Variants in UBE2V2 observed in about 807,000 individuals in gnomAD.
The protein encoded by UBE2V2 is ubiquitin conjugating enzyme E2 V2.
In UBE2V2, 9 loss-of-function variants were observed where a neutral mutation model predicts 17.2. That is an observed-to-expected ratio of 0.52 (90% CI 0.32 to 0.91). The LOEUF is 0.91. UBE2V2 is among the 40% of genes least tolerant of loss of function. UBE2V2 has a pLI of 0.04. For missense variants in UBE2V2, 133 were observed against 182.6 expected, an observed-to-expected ratio of 0.73 and a Z score of 1.56; for synonymous variants, 61 against 57.5, an observed-to-expected ratio of 1.06 and a Z score of -0.28.
At chr8:48,009,267 CT>C (rs143794770) in intron 1 of UBE2V2, among the ~76,000 whole-genome samples, 1,388 of 133,750 alleles carry the variant, frequency 0.01, 9 homozygotes, top group African/African-American at 0.014. Context: ...CTTTTCTTTT[CT>C]TTTTTTTTTT....
chr8:48,008,280 G>A, upstream of UBE2V2: 1 of 718,058 alleles, frequency 1.4e-6, no homozygotes, highest in Non-Finnish European at 2.0e-6. Flanking sequence ...GGGAATTGCG[G>A]AAACAGCAGC....
At chr8:48,036,326 G>A (rs879535523) in intron 1 of UBE2V2, among the ~76,000 whole-genome samples, 17 of 151,880 alleles carry the variant, frequency 1.1e-4, no homozygotes, top group Non-Finnish European at 2.2e-4. Context: ...ATGAAATGAA[G>A]GAATATTAAA....
Position 48,061,287 on chromosome 8 carries a change from A to G in UBE2V2, c.*459A>G, listed in dbSNP as rs1195185832. 2.0e-5 allele frequency: 3 copies of G among 152,564 alleles called. No homozygotes were observed. Among genetic ancestry groups the G allele is most frequent in the Non-Finnish European group, 4.4e-5 (3 of 68,060 alleles). The allele number at this position is 152,564 out of a possible 1,614,324, so 9.5% of individuals were successfully genotyped here. A position where few individuals can be genotyped will look rare whatever the true frequency, so the allele number is the denominator to read the frequency against. On this transcript the variant is annotated 3_prime_UTR_variant, in exon 4 of 4. Transcript: ENST00000523111. ...CACAGATGTGTTAATTTTTGAAGCA[A>G]TGTGGGTGCTGACTACTAGTAGTAT...
chr8:48,012,835 TC>T (rs1165141038), intron 1 of UBE2V2, among the ~76,000 whole-genome samples: 7 of 152,140 alleles, frequency 4.6e-5, no homozygotes, highest in Admixed American at 2.6e-4. Flanking sequence ...CATTCAGTTT[TC>T]CCTGTCAATT....
At chr8:48,002,097 A>C in the UBE2V2 span, among the ~76,000 whole-genome samples, 1 of 152,216 alleles carries the variant, frequency 6.6e-6, no homozygotes, top group African/African-American at 2.4e-5. Flanking sequence ...CAGAAAAAAA[A>C]AAAGGGCAAC....
At chr8:48,002,914 A>C in the UBE2V2 span, among the ~76,000 whole-genome samples, 1 of 152,094 alleles carries the variant, frequency 6.6e-6, no homozygotes, top group African/African-American at 2.4e-5. Flanking sequence ...TGTCGTTAAA[A>C]AAGAAAGAGA....
At chr8:48,044,612 C>A (rs967089278) in intron 2 of UBE2V2, among the ~76,000 whole-genome samples, 1 of 151,978 alleles carries the variant, frequency 6.6e-6, no homozygotes, top group African/African-American at 2.4e-5. Context: ...TCTATTTTTT[C>A]CTGAAGACAT....
At chr8:48,019,320 C>T (rs1357261504) in intron 1 of UBE2V2, among the ~76,000 whole-genome samples, 5 of 151,930 alleles carry the variant, frequency 3.3e-5, no homozygotes, top group Non-Finnish European at 5.9e-5. Context: ...GCCGAGATCA[C>T]GGCACTGCAC....
intron 3 of UBE2V2, among the ~76,000 whole-genome samples, chr8:48,054,981 T>C (rs1000381491): frequency 1.3e-5 from 2 of 152,050 alleles, no homozygotes; most frequent in Non-Finnish European, 2.9e-5. Flanking sequence ...CAATCACTTA[T>C]GTTTATTTAA....
chr8:48,054,841 C>G (rs1034944563), intron 3 of UBE2V2, among the ~76,000 whole-genome samples: 3 of 152,120 alleles, frequency 2.0e-5, no homozygotes, highest in Non-Finnish European at 4.4e-5. Context: ...TGATAAGATG[C>G]AGATTTTATT....
At chr8:48,032,791 T>TATTATTGAC (rs1014986691) in intron 1 of UBE2V2, among the ~76,000 whole-genome samples, 10 of 152,128 alleles carry the variant, frequency 6.6e-5, no homozygotes, top group Admixed American at 3.3e-4. Flanking sequence ...AATAATTGTG[T>TATTATTGAC]ATTATTGACA....
intron 2 of UBE2V2, among the ~76,000 whole-genome samples, chr8:48,045,766 C>T (rs542499431): frequency 9.1e-4 from 139 of 152,302 alleles, no homozygotes; most frequent in African/African-American, 3.1e-3. Context: ...ATCTTCTCTG[C>T]ATCACCTTCT....
chr8:48,063,774 A>G lies in UBE2V2; in HGVS notation c.*2946A>G, dbSNP rs929641832. ...AAATTTATAGCTTTATGTTATTAAA[A>G]TAATTTATCACACAGAGTGATTTGA... On this transcript the variant is annotated 3_prime_UTR_variant, in exon 4 of 4. Transcript: ENST00000523111. 2 of 152,228 alleles carry G rather than the reference A, an allele frequency of 1.3e-5. No homozygotes were observed. The highest frequency in any genetic ancestry group is 4.8e-5 in the African/African-American group (2 of 41,458). 9.4% of individuals were successfully genotyped at this position (152,228 alleles called of 1,614,324 possible). A position where few individuals can be genotyped will look rare whatever the true frequency, so the allele number is the denominator to read the frequency against.
At chr8:48,014,075 G>A (rs1328503241) in intron 1 of UBE2V2, among the ~76,000 whole-genome samples, 1 of 152,168 alleles carries the variant, frequency 6.6e-6, no homozygotes, top group Non-Finnish European at 1.5e-5. Flanking sequence ...TAGAAGAGCT[G>A]AACTATGGTA....
At chr8:48,041,372 T>A (rs1466538921) in intron 1 of UBE2V2, among the ~76,000 whole-genome samples, 3 of 151,908 alleles carry the variant, frequency 2.0e-5, no homozygotes, top group Admixed American at 1.3e-4. Flanking sequence ...ATCCCAGCTA[T>A]TTGAGAGGCT....
At chr8:48,010,413 T>C (rs2091220147) in intron 1 of UBE2V2, among the ~76,000 whole-genome samples, 2 of 150,048 alleles carry the variant, frequency 1.3e-5, no homozygotes, top group Admixed American at 1.3e-4. Context: ...TTTTTTTTTT[T>C]TTTTTTGAGA....
intron 1 of UBE2V2, chr8:48,034,914 C>G: frequency 5.8e-6 from 3 of 517,212 alleles, no homozygotes; most frequent in Non-Finnish European, 7.4e-6. Context: ...GCTTGTTGCC[C>G]GGGACGCCTT....
chr8:48,063,919 A>G lies in UBE2V2; in HGVS notation c.*3091A>G, dbSNP rs1217196399. The G allele has an allele frequency of 6.6e-6, 1 of 152,220 alleles. No homozygotes were observed. The highest frequency in any genetic ancestry group is 1.5e-5 in the Non-Finnish European group (1 of 68,038). The allele number at this position is 152,220 out of a possible 1,614,324, so 9.4% of individuals were successfully genotyped here. ...TATAATATTGATAAATACATGTGAA[A>G]TTAATATTGTTTGGAAAATGTAGAG... On this transcript the variant is annotated 3_prime_UTR_variant, in exon 4 of 4. Coordinates refer to ENST00000523111, the MANE Select transcript of UBE2V2 (RefSeq NM_003350.3).
intron 1 of UBE2V2, among the ~76,000 whole-genome samples, chr8:48,018,040 T>C (rs1335048223): frequency 1.3e-5 from 2 of 152,048 alleles, no homozygotes; most frequent in African/African-American, 4.8e-5. Flanking sequence ...TTTCGCCATG[T>C]TGGCCAGGCT....
Sources: gnomAD v4.1 joint callset for allele counts (sites outside exome capture counted in the v4.1 genomes callset) on GRCh38, gnomAD v4.1.1 for gene constraint, MANE v1.5 for transcripts, NCBI Gene and HGNC (gene_info 2026-07-23, HGNC 2026-07-21) for gene names.